TADA2A: variants seen among roughly 807,000 people sequenced by gnomAD.
TADA2A encodes transcriptional adaptor 2A, also known as transcriptional adapter 2-alpha.
TADA2A carries 38 observed loss-of-function variants against 67.4 expected under a neutral mutation model. That is an observed-to-expected ratio of 0.56 (90% CI 0.44 to 0.74). TADA2A has a LOEUF of 0.74. Ranked by LOEUF, TADA2A falls within the 30% of genes least tolerant of loss-of-function variation. TADA2A has a pLI of 0.00. For missense variants in TADA2A, 454 were observed against 547.0 expected, an observed-to-expected ratio of 0.83 and a Z score of 1.70; for synonymous variants, 192 against 181.6, an observed-to-expected ratio of 1.06 and a Z score of -0.46.
chr17:37,454,299 CTTTT>C (rs34841409), intron 8 of TADA2A: 3 of 107,310 alleles, frequency 2.8e-5, no homozygotes, highest in Non-Finnish European at 3.7e-5. Flanking sequence ...TTCTTTCTTT[CTTTT>C]TTTTTTTTTT....
Position 37,427,029 on chromosome 17 carries a change from G to T in TADA2A, c.192+20G>T. 1 of 1,558,280 alleles carries T rather than the reference G, an allele frequency of 6.4e-7. No homozygotes were observed. The highest frequency in any genetic ancestry group is 1.2e-5 in the South Asian group (1 of 80,394). ...ATAATGGTAATGATGAAGTTGCTGGGAATTTCTGTTCACTTTTTTTAAGAA... is the reference window on the plus strand; with the variant it reads ...ATAATGGTAATGATGAAGTTGCTGGTAATTTCTGTTCACTTTTTTTAAGAA... On this transcript the variant is annotated intron_variant, in intron 4 of 15. Coordinates refer to ENST00000615182, the MANE Select transcript of TADA2A (RefSeq NM_001166105.3).
chr17:37,462,460 C>T (rs1030567325), intron 10 of TADA2A, among the ~76,000 whole-genome samples: 1 of 151,700 alleles, frequency 6.6e-6, no homozygotes, highest in African/African-American at 2.4e-5. Context: ...AACCCCATCT[C>T]TACTAAAAAT....
intron 4 of TADA2A, among the ~76,000 whole-genome samples, chr17:37,433,680 C>G (rs2052637348): frequency 6.6e-6 from 1 of 151,890 alleles, no homozygotes; most frequent in Non-Finnish European, 1.5e-5. Flanking sequence ...GGGCTGAGCT[C>G]GGTTCCTCAT....
At chr17:37,473,161 C>T (rs903118396) in intron 14 of TADA2A, among the ~76,000 whole-genome samples, 1 of 71,224 alleles carries the variant, frequency 1.4e-5, no homozygotes, top group African/African-American at 5.2e-5. Context: ...TTGGTAGAAA[C>T]AAGGTCTTAC....
intron 5 of TADA2A, 131 bp from the exon 6 acceptor site, chr17:37,440,374 T>C: frequency 9.5e-7 from 1 of 1,054,422 alleles, no homozygotes; most frequent in Non-Finnish European, 1.3e-6. Context: ...CTGATATCTT[T>C]TTGATATCAA....
chr17:37,409,748 C>A (rs928021251), intron 1 of TADA2A, among the ~76,000 whole-genome samples: 16 of 145,182 alleles, frequency 1.1e-4, no homozygotes, highest in African/African-American at 4.1e-4. Flanking sequence ...GCCTAGGCAA[C>A]GAGAGCGAGA....
At position 37,476,854 on chromosome 17, in the gene TADA2A, T is replaced by C. The variant is rs576691537; in HGVS notation, c.1204T>C (p.Leu402=). 1 of 1,614,190 alleles carries C rather than the reference T, an allele frequency of 6.2e-7. No homozygotes were observed. The highest frequency in any genetic ancestry group is 1.3e-5 in the African/African-American group (1 of 75,056). The change falls in exon 16 of 16, where the codon TTG becomes CTG. Residue 402 remains leucine, a synonymous_variant. Transcript: ENST00000615182. ...CTATTTAGAATACAAATCTGCTCTA[T>C]TGAACGAATGTAACAAGCAAGGAGG... ...GAYLEYKSAL[L]NECNKQGGLR...
chr17:37,461,628 G>A (rs975826396), intron 9 of TADA2A, among the ~76,000 whole-genome samples: 7 of 152,100 alleles, frequency 4.6e-5, no homozygotes, highest in African/African-American at 1.4e-4. Flanking sequence ...TTCTAGTACC[G>A]CCAGTGTTGT....
intron 2 of TADA2A, among the ~76,000 whole-genome samples, chr17:37,421,964 C>T (rs182566674): frequency 3.5e-5 from 5 of 143,988 alleles, no homozygotes; most frequent in African/African-American, 7.5e-5. Context: ...CTGCAACCTC[C>T]GCCTCCCGGG....
intron 8 of TADA2A, among the ~76,000 whole-genome samples, chr17:37,457,541 A>G (rs948111934): frequency 1.0e-4 from 11 of 105,260 alleles, no homozygotes; most frequent in African/African-American, 3.9e-4. Context: ...CTGTTGCCCC[A>G]GGCTGGAGTG....
chr17:37,436,781 CT>C (rs943712764), intron 4 of TADA2A, among the ~76,000 whole-genome samples: 49 of 146,336 alleles, frequency 3.3e-4, no homozygotes, highest in South Asian at 8.6e-4. Flanking sequence ...CCATAGTAAC[CT>C]TTTTTTTTTT....
intron 3 of TADA2A, among the ~76,000 whole-genome samples, chr17:37,425,147 T>A (rs1289153562): frequency 1.3e-5 from 2 of 152,194 alleles, no homozygotes; most frequent in African/African-American, 4.8e-5. Context: ...CCCAAAGTGC[T>A]GGGATTACAG....
intron 2 of TADA2A, among the ~76,000 whole-genome samples, chr17:37,419,864 AATT>A (rs1298117097): frequency 2.8e-5 from 4 of 145,098 alleles, no homozygotes; most frequent in Admixed American, 1.4e-4. Flanking sequence ...AAATATAAAA[AATT>A]AGCCAGTCGT....
chr17:37,448,632 A>T (rs1361961102), intron 8 of TADA2A, among the ~76,000 whole-genome samples: 1 of 152,118 alleles, frequency 6.6e-6, no homozygotes, highest in Non-Finnish European at 1.5e-5. Context: ...AAATTTTTAG[A>T]GTACTCTTTC....
At chr17:37,465,398 C>T in intron 10 of TADA2A, 33 bp from the exon 11 acceptor site, 2 of 1,527,096 alleles carry the variant, frequency 1.3e-6, no homozygotes. Context: ...CTTACATTTC[C>T]CATGACACAT....
chr17:37,423,333 G>C (rs2147925671), intron 2 of TADA2A, among the ~76,000 whole-genome samples, 176 bp from the exon 3 acceptor site: 1 of 152,328 alleles, frequency 6.6e-6, no homozygotes, highest in Non-Finnish European at 1.5e-5. Context: ...ATGCTGCCCT[G>C]AAGTTAAAAG....
chr17:37,411,484 A>G (rs1490827814), intron 2 of TADA2A, 94 bp downstream of exon 2: 5 of 1,232,878 alleles, frequency 4.1e-6, no homozygotes, highest in East Asian at 4.6e-5. Context: ...GTACAGTGGC[A>G]TGATGTTGGC....
At position 37,436,021 on chromosome 17, in the gene TADA2A, C is replaced by T. The variant is rs149152924; in HGVS notation, c.193-1717C>T. Among the ~76,000 whole-genome samples, 12 of 152,196 alleles carry T rather than the reference C, an allele frequency of 7.9e-5. No individual in the cohort carries two copies. In the East Asian group the frequency reaches 1.7e-3, roughly 22 times the overall value. On this transcript the variant is annotated intron_variant, in intron 4 of 15. Transcript: ENST00000615182. ...ATGAGCCACCATGCCTGGCCAACTACGAGGTTTTTACATAACCTCACAGAT... is the reference window on the plus strand; with the variant it reads ...ATGAGCCACCATGCCTGGCCAACTATGAGGTTTTTACATAACCTCACAGAT...
At chr17:37,470,632 A>G in intron 13 of TADA2A, 100 bp downstream of exon 13, 1 of 1,251,560 alleles carries the variant, frequency 8.0e-7, no homozygotes, top group Non-Finnish European at 1.1e-6. Context: ...ATAATAATTG[A>G]GTAGCTGGAA....
Sources: allele counts gnomAD v4.1 joint callset (sites outside exome capture counted in the v4.1 genomes callset), GRCh38; gene constraint gnomAD v4.1.1; transcripts MANE v1.5; gene names NCBI Gene and HGNC (gene_info 2026-07-23, HGNC 2026-07-21).